KDM4C: variants seen among roughly 807,000 people sequenced by gnomAD.
KDM4C encodes lysine demethylase 4C.
A neutral mutation model predicts 129.3 loss-of-function variants in KDM4C; 81 were observed. The observed-to-expected ratio is 0.63, with a 90% CI of 0.52 to 0.75. KDM4C has a LOEUF of 0.75. Ranked by LOEUF, KDM4C falls within the 30% of genes least tolerant of loss-of-function variation. KDM4C has a pLI of 0.00. For synonymous variants in KDM4C, 573 were observed against 456.1 expected (o/e 1.26, Z -3.26); for missense variants, 1,457 against 1,304.0 (o/e 1.12, Z -1.81).
chr9:7,055,679 T>C (rs1215427720), intron 17 of KDM4C, among the ~76,000 whole-genome samples: 6 of 152,164 alleles, frequency 3.9e-5, no homozygotes, highest in Non-Finnish European at 8.8e-5. Flanking sequence ...GGGGAGAAAA[T>C]ACAATCACAC....
intron 12 of KDM4C, among the ~76,000 whole-genome samples, chr9:6,993,184 A>AG (rs1819060502): frequency 1.3e-5 from 2 of 152,200 alleles, no homozygotes; most frequent in African/African-American, 4.8e-5. Flanking sequence ...GTGGTGGAGA[A>AG]GAGGGGGCTA....
At chr9:6,869,514 C>T (rs531117637) in intron 5 of KDM4C, among the ~76,000 whole-genome samples, 28 of 152,320 alleles carry the variant, frequency 1.8e-4, no homozygotes, top group Non-Finnish European at 3.2e-4. Flanking sequence ...TATAGTGCTC[C>T]AGGAATAATA....
At chr9:7,157,702 G>A (rs7043609) in intron 19 of KDM4C, among the ~76,000 whole-genome samples, 77,244 of 152,014 alleles carry the variant, frequency 0.51, 20,270 homozygotes, top group Non-Finnish European at 0.57. Context: ...CAGGGATGAA[G>A]CCAACTTGAT....
intron 17 of KDM4C, among the ~76,000 whole-genome samples, chr9:7,052,894 A>AGAGAGAGAGAGAGAGAGAGAGC (rs1339242817): frequency 0.031 from 3,244 of 104,794 alleles, 414 homozygotes; most frequent in South Asian, 0.059. Context: ...AGAGAGAGAG[A>AGAGAGAGAGAGAGAGAGAGAGC]GAGAGAGCGA....
intron 12 of KDM4C, among the ~76,000 whole-genome samples, chr9:7,005,394 C>T (rs981917714): frequency 1.5e-4 from 21 of 144,180 alleles, no homozygotes; most frequent in Admixed American, 2.9e-4. Context: ...GAGATCAAGC[C>T]GTTGCACTCC....
rs542937039 is a variant in KDM4C, at chr9:7,061,596, G to A, written c.2424+12396G>A. On this transcript the variant is annotated intron_variant, in intron 17 of 21. Coordinates refer to ENST00000381309, the MANE Select transcript of KDM4C (RefSeq NM_015061.6). ...CTAGAGAAGACTCGTCCAGTCTCCA[G>A]ACTGAAGGGTAAAAGCCTGGCTGTG... Among the ~76,000 whole-genome samples, 10 of 152,322 alleles carry A rather than the reference G, an allele frequency of 6.6e-5. No homozygotes were observed. In the South Asian group the frequency reaches 1.9e-3, roughly 28 times the overall value.
Position 6,888,054 on chromosome 9 carries a change from C to T in KDM4C, c.774C>T (p.Pro258=), listed in dbSNP as rs752496064. Reference sequence around the variant, plus strand: ...CAGTATTGAAGAAATATGGTATTCCCTTTGACAAGGTATGTTAGTATTCAT... The same window carrying T: ...CAGTATTGAAGAAATATGGTATTCCTTTTGACAAGGTATGTTAGTATTCAT... ...SPSVLKKYGI[P]FDKITQEAGE... Residue 258 remains proline (P), a synonymous_variant, in exon 7 of 22, where the codon CCC becomes CCT. Coordinates refer to ENST00000381309, the MANE Select transcript of KDM4C (RefSeq NM_015061.6). The T allele has an allele frequency of 1.3e-6, 2 of 1,549,098 alleles. No homozygotes were observed. Among genetic ancestry groups the T allele is most frequent in the Non-Finnish European group, 1.8e-6 (2 of 1,125,614 alleles).
At chr9:6,957,887 G>T (rs563711438) in intron 8 of KDM4C, among the ~76,000 whole-genome samples, 13 of 152,080 alleles carry the variant, frequency 8.5e-5, no homozygotes, top group Non-Finnish European at 1.6e-4. Flanking sequence ...CACAATTCGA[G>T]TACATATATT....
chr9:6,964,815 G>A (rs1045262727), intron 8 of KDM4C, among the ~76,000 whole-genome samples: 9 of 148,888 alleles, frequency 6.0e-5, no homozygotes, highest in Non-Finnish European at 8.9e-5. Flanking sequence ...CAGACTGGGC[G>A]CAGTAGCACA....
intron 19 of KDM4C, among the ~76,000 whole-genome samples, chr9:7,152,201 A>G (rs1459604674): frequency 2.0e-5 from 3 of 152,238 alleles, no homozygotes; most frequent in African/African-American, 7.2e-5. Context: ...GGAGTCTAAG[A>G]ATAGAGTCAG....
chr9:7,050,443 A>AAAAGAAAAAG (rs1829995232), intron 17 of KDM4C, among the ~76,000 whole-genome samples: 1 of 42,958 alleles, frequency 2.3e-5, no homozygotes, highest in Non-Finnish European at 5.0e-5. Context: ...CCAGATTACC[A>AAAAGAAAAAG]AAAAAAAAAA....
At chr9:6,752,501 C>G (rs977550066) in intron 1 of KDM4C, among the ~76,000 whole-genome samples, 1 of 150,040 alleles carries the variant, frequency 6.7e-6, no homozygotes, top group African/African-American at 2.5e-5. Flanking sequence ...ATCTCCGCCT[C>G]CTGGGTTCAA....
At chr9:6,796,576 A>G (rs913860361) in intron 2 of KDM4C, among the ~76,000 whole-genome samples, 1 of 152,246 alleles carries the variant, frequency 6.6e-6, no homozygotes, top group Non-Finnish European at 1.5e-5. Flanking sequence ...AGGGAGCTGC[A>G]TGCACACAGA....
chr9:7,147,610 G>GT (rs1253961262), intron 19 of KDM4C, among the ~76,000 whole-genome samples: 2 of 152,166 alleles, frequency 1.3e-5, no homozygotes, highest in Admixed American at 6.5e-5. Flanking sequence ...TTTTCCCCGT[G>GT]TTTGGGGGTG....
intron 3 of KDM4C, among the ~76,000 whole-genome samples, chr9:6,806,712 C>G (rs115943519): frequency 6.6e-6 from 1 of 151,990 alleles, no homozygotes; most frequent in African/African-American, 2.4e-5. Context: ...CCTTTCATGG[C>G]TTTTGATGGG....
At chr9:6,973,840 G>C (rs773227519) in intron 8 of KDM4C, 2 of 152,170 alleles carry the variant, frequency 1.3e-5, no homozygotes, top group Non-Finnish European at 2.9e-5. Flanking sequence ...AGATGGAGGA[G>C]GACAGGAGAT....
intron 1 of KDM4C, among the ~76,000 whole-genome samples, chr9:6,790,051 G>C (rs1303257368): frequency 6.6e-6 from 1 of 151,014 alleles, no homozygotes; most frequent in East Asian, 2.0e-4. Flanking sequence ...AGGCGGGTGG[G>C]ATCGCCTGAG....
intron 8 of KDM4C, among the ~76,000 whole-genome samples, chr9:6,917,789 G>C (rs1280269787): frequency 6.6e-6 from 1 of 152,064 alleles, no homozygotes; most frequent in Non-Finnish European, 1.5e-5. Context: ...ATCAGTCCCG[G>C]TGCCCATACA....
intron 1 of KDM4C, among the ~76,000 whole-genome samples, chr9:6,775,733 G>A (rs1028059585): frequency 6.6e-5 from 10 of 151,962 alleles, no homozygotes; most frequent in African/African-American, 2.4e-4. Context: ...TGTTGGTCAG[G>A]CTGGTCTCGA....
Sources: gnomAD v4.1 joint callset for allele counts (sites outside exome capture counted in the v4.1 genomes callset) on GRCh38, gnomAD v4.1.1 for gene constraint, MANE v1.5 for transcripts, NCBI Gene and HGNC (gene_info 2026-07-23, HGNC 2026-07-21) for gene names.